TSHZ1: variants seen among roughly 807,000 people sequenced by gnomAD.
TSHZ1 encodes teashirt homolog 1.
In TSHZ1, 12 loss-of-function variants were observed where a neutral mutation model predicts 67.1. The observed-to-expected ratio is 0.18, with a 90% CI of 0.11 to 0.29. The LOEUF (loss-of-function observed/expected upper bound fraction) is 0.29. TSHZ1 is among the 10% of genes least tolerant of loss of function. The probability of loss-of-function intolerance (pLI) is 1.00; values close to 1 mark genes in which losing one functional copy is unlikely to be tolerated. For synonymous variants in TSHZ1, 632 were observed against 622.4 expected (o/e 1.02, Z -0.23); for missense variants, 1,305 against 1,413.9 (o/e 0.92, Z 1.23).
intron 1 of TSHZ1, among the ~76,000 whole-genome samples, chr18:75,229,174 G>A (rs1310638208): frequency 6.6e-6 from 1 of 152,242 alleles, no homozygotes; most frequent in Non-Finnish European, 1.5e-5. Context: ...CTGGGGGTGG[G>A]TGCCACCCGA....
intron 1 of TSHZ1, among the ~76,000 whole-genome samples, chr18:75,216,654 G>A (rs1045924597): frequency 2.9e-4 from 44 of 152,362 alleles, no homozygotes; most frequent in African/African-American, 8.4e-4. Flanking sequence ...TATTCTGGTC[G>A]TTGGATGGCT....
At position 75,230,865 on chromosome 18, in the gene TSHZ1, C is replaced by T. The variant is rs568419070; in HGVS notation, c.40+18949C>T. 5.3e-5 allele frequency among the ~76,000 whole-genome samples: 8 copies of T among 152,190 alleles called. No individual in the cohort carries two copies. In the South Asian group the frequency reaches 1.7e-3, roughly 32 times the overall value. On this transcript the variant is annotated intron_variant, in intron 1 of 1. Coordinates refer to ENST00000580243, the MANE Select transcript of TSHZ1 (RefSeq NM_001308210.2). ...ATACTCTTCCAACGCTGTATTTTAC[C>T]CAAGTTCCCTATGCAAGCTGCATGG...
intron 1 of TSHZ1, among the ~76,000 whole-genome samples, chr18:75,260,139 GC>G (rs2023412670): frequency 6.6e-6 from 1 of 152,242 alleles, no homozygotes; most frequent in Non-Finnish European, 1.5e-5. Flanking sequence ...GGCAGGCCTG[GC>G]CCCGGAGGGG....
intron 1 of TSHZ1, chr18:75,280,695 C>T (rs1212352811): frequency 2.1e-6 from 2 of 965,006 alleles, no homozygotes; most frequent in Non-Finnish European, 2.5e-6. Context: ...GATAACTTAG[C>T]TTAAAGGGTT....
intron 1 of TSHZ1, among the ~76,000 whole-genome samples, chr18:75,272,634 T>A (rs534065587): frequency 1.3e-5 from 2 of 152,340 alleles, no homozygotes; most frequent in South Asian, 4.1e-4. Context: ...AGAATTTAAG[T>A]TGGAACTCAA....
chr18:75,269,931 C>A (rs2023537628), intron 1 of TSHZ1, among the ~76,000 whole-genome samples: 1 of 152,158 alleles, frequency 6.6e-6, no homozygotes, highest in Non-Finnish European at 1.5e-5. Context: ...AAATGGCAGT[C>A]CTGAAAATAG....
At chr18:75,269,896 C>T (rs1022522020) in intron 1 of TSHZ1, among the ~76,000 whole-genome samples, 3 of 152,134 alleles carry the variant, frequency 2.0e-5, no homozygotes, top group South Asian at 2.1e-4. Flanking sequence ...AAACAGATTC[C>T]GACAGGGCTT....
In TSHZ1 at chr18:75,211,766, G is replaced by A. The variant is rs557023440; in HGVS notation, c.-111G>A. ...CCCGGAGCCCGGAGCCCGCGGGGACGAGGCCAAAGTTGGGCGCGCCGCGGA... is the reference window on the plus strand; with the variant it reads ...CCCGGAGCCCGGAGCCCGCGGGGACAAGGCCAAAGTTGGGCGCGCCGCGGA... On this transcript the variant is annotated 5_prime_UTR_variant, in exon 1 of 2. Transcript: ENST00000580243. 6.1e-6 allele frequency: 4 copies of A among 655,800 alleles called. No homozygotes were observed. In the African/African-American group the frequency reaches 8.0e-5, roughly 13 times the overall value. 40.6% of individuals were successfully genotyped at this position (655,800 alleles called of 1,614,324 possible).
rs201731024 is a variant in TSHZ1, at chr18:75,223,095, G to A, written c.40+11179G>A. ...ATCTCATGATGGGTGTGAGGGTGAT[G>A]ATGAAGATAATAATACATTTATTCC... is the stretch of plus-strand genomic sequence containing the variant. On this transcript the variant is annotated intron_variant, in intron 1 of 1. Transcript: ENST00000580243. Among the ~76,000 whole-genome samples, 41 of 152,306 alleles carry A rather than the reference G, an allele frequency of 2.7e-4. No individual in the cohort carries two copies. The East Asian group carries it at 3.7e-3, about 14-fold the overall frequency.
At chr18:75,250,875 C>T (rs1021997337) in intron 1 of TSHZ1, among the ~76,000 whole-genome samples, 3 of 152,182 alleles carry the variant, frequency 2.0e-5, no homozygotes, top group African/African-American at 7.2e-5. Flanking sequence ...CGCAGTTCTG[C>T]AGCCGACGAA....
intron 1 of TSHZ1, among the ~76,000 whole-genome samples, chr18:75,246,448 G>GTGTGTGTGTGTGTGTGTGTGTGTC: frequency 6.6e-6 from 1 of 151,292 alleles, no homozygotes; most frequent in Admixed American, 6.6e-5. Flanking sequence ...GTGTGTGTCA[G>GTGTGTGTGTGTGTGTGTGTGTGTC]AGAGAAAGAG....
In TSHZ1 at chr18:75,281,045, C is replaced by T. The variant is rs1207636338; in HGVS notation, c.41-4403C>T. Among the ~76,000 whole-genome samples the T allele has an allele frequency of 2.0e-5, 3 of 152,164 alleles. No homozygotes were observed. The highest frequency in any genetic ancestry group is 4.8e-5 in the African/African-American group (2 of 41,430). ...CTGGGCACAGAGGGCTGGGCACAGGCGGGGCAGCGGTGAGGGTCCAGACGC... is the reference window on the plus strand; with the variant it reads ...CTGGGCACAGAGGGCTGGGCACAGGTGGGGCAGCGGTGAGGGTCCAGACGC... On this transcript the variant is annotated intron_variant, in intron 1 of 1. Coordinates refer to ENST00000580243, the MANE Select transcript of TSHZ1 (RefSeq NM_001308210.2). The surrounding 1 kb of genome is among the most constrained non-coding windows in gnomAD (Gnocchi z 5.3).
rs2122628932 is a variant in TSHZ1 at position 75,288,306 on chromosome 18, C to T, written c.2899C>T (p.His967Tyr). 6.2e-7 allele frequency: 1 copy of T among 1,614,206 alleles called. No homozygotes were observed. ...TKFLKNLDTG[H>Y]PVFFCNDCAS... is the part of the protein sequence containing the mutation. ...ATTCCTAAAGAACCTGGACACAGGG[C>T]ATCCTGTTTTCTTTTGCAACGATTG... Residue 967 changes from histidine (H) to tyrosine (Y), a missense_variant, in exon 2 of 2, where the codon CAT (histidine) becomes TAT (tyrosine). Coordinates refer to ENST00000580243, the MANE Select transcript of TSHZ1 (RefSeq NM_001308210.2). This position sits in a 1 kb window ranked among gnomAD's most constrained non-coding sequence, Gnocchi z 4.9.
At chr18:75,278,369 G>T (rs950656583) in intron 1 of TSHZ1, among the ~76,000 whole-genome samples, 3 of 152,198 alleles carry the variant, frequency 2.0e-5, no homozygotes, top group African/African-American at 7.2e-5. Context: ...CCAAGGTGCT[G>T]GGTTGCTCCT....
intron 1 of TSHZ1, among the ~76,000 whole-genome samples, chr18:75,271,626 C>T (rs898971429): frequency 2.6e-5 from 4 of 152,126 alleles, no homozygotes; most frequent in African/African-American, 4.8e-5. Flanking sequence ...TTTGAGCCCC[C>T]GCGTCTCTAA....
chr18:75,280,520 G>T (rs901382798), intron 1 of TSHZ1, among the ~76,000 whole-genome samples: 1 of 152,160 alleles, frequency 6.6e-6, no homozygotes, highest in African/African-American at 2.4e-5. Context: ...TGAGACAAAA[G>T]AAAATAACTT....
chr18:75,240,527 G>A (rs1274833489), intron 1 of TSHZ1, among the ~76,000 whole-genome samples: 1 of 152,166 alleles, frequency 6.6e-6, no homozygotes, highest in Non-Finnish European at 1.5e-5. Flanking sequence ...GGTGCACCGC[G>A]AGCCTTTCCT....
At chr18:75,226,974 G>A (rs1229110912) in intron 1 of TSHZ1, among the ~76,000 whole-genome samples, 1 of 152,180 alleles carries the variant, frequency 6.6e-6, no homozygotes, top group Non-Finnish European at 1.5e-5. Flanking sequence ...GAGACCCAAA[G>A]GAGTGATTGT....
At chr18:75,256,984 T>A (rs927962218) in intron 1 of TSHZ1, among the ~76,000 whole-genome samples, 2 of 152,222 alleles carry the variant, frequency 1.3e-5, no homozygotes, top group African/African-American at 4.8e-5. Flanking sequence ...CTTTTTAAAA[T>A]ATTCAGATAA....
Sources: gnomAD v4.1 joint callset for allele counts (sites outside exome capture counted in the v4.1 genomes callset) on GRCh38, gnomAD v4.1.1 for gene constraint, Gnocchi (gnomAD v3.1) non-coding constraint, MANE v1.5 for transcripts, NCBI Gene and HGNC (gene_info 2026-07-23, HGNC 2026-07-21) for gene names.